XIRP2: variants seen among roughly 807,000 people sequenced by gnomAD.
The protein encoded by XIRP2 is xin actin-binding repeat-containing protein 2.
Under a neutral mutation model 277.0 loss-of-function variants are expected in XIRP2, and 236 were observed. The ratio of observed to expected loss-of-function variants is 0.85; its 90% CI spans 0.77 to 0.95. The LOEUF (loss-of-function observed/expected upper bound fraction) is 0.95, where lower values mean the gene tolerates loss of function less well. Among genes scored for constraint, XIRP2 ranks in the 40% least tolerant of loss-of-function variants. XIRP2 has a pLI of 0.00. For synonymous variants in XIRP2, 1,490 were observed against 1,416.5 expected (o/e 1.05, Z -1.17); for missense variants, 4,640 against 4,157.5 (o/e 1.12, Z -3.19).
chr2:167,158,006 C>G (rs1692250589), intron 3 of XIRP2, among the ~76,000 whole-genome samples: 1 of 152,134 alleles, frequency 6.6e-6, no homozygotes, highest in South Asian at 2.1e-4. Context: ...TATTTATCCA[C>G]TTTAAAAGTG....
chr2:167,179,642 ATTTT>A (rs58591089), intron 3 of XIRP2, among the ~76,000 whole-genome samples: 14,700 of 136,406 alleles, frequency 0.11, 768 homozygotes, highest in South Asian at 0.17. Flanking sequence ...TTATCTGATA[ATTTT>A]TTTTTTTTTT....
chr2:167,175,453 A>T (rs74888540), intron 3 of XIRP2, among the ~76,000 whole-genome samples: 4,875 of 152,176 alleles, frequency 0.032, 255 homozygotes, highest in African/African-American at 0.11. Context: ...TTGCCTAGGT[A>T]TCACCAGTGG....
chr2:167,181,949 C>A (rs562458574), intron 3 of XIRP2, among the ~76,000 whole-genome samples: 1 of 152,044 alleles, frequency 6.6e-6, no homozygotes, highest in Non-Finnish European at 1.5e-5. Flanking sequence ...ATTAATGGTG[C>A]TTTCTTCACT....
chr2:167,154,973 C>T (rs200092080), intron 3 of XIRP2, among the ~76,000 whole-genome samples: 14,369 of 150,400 alleles, frequency 0.096, 727 homozygotes, highest in South Asian at 0.14. Context: ...AACACCTCTA[C>T]GCAAATAAAC....
intron 2 of XIRP2, among the ~76,000 whole-genome samples, chr2:167,087,357 A>G (rs910856674): frequency 9.2e-5 from 14 of 151,698 alleles, no homozygotes; most frequent in African/African-American, 3.4e-4. Context: ...GCTGTCAGAC[A>G]GGGACATTTA....
At chr2:167,021,874 T>G (rs925198269) in intron 2 of XIRP2, among the ~76,000 whole-genome samples, 3 of 152,080 alleles carry the variant, frequency 2.0e-5, no homozygotes. Context: ...ATTTGATTAC[T>G]TCTTATATGA....
At chr2:167,126,584 A>G (rs1691213748) in intron 2 of XIRP2, among the ~76,000 whole-genome samples, 1 of 152,184 alleles carries the variant, frequency 6.6e-6, no homozygotes, top group African/African-American at 2.4e-5. Flanking sequence ...GAGGTAGCCA[A>G]AGTAACTTCT....
intron 2 of XIRP2, among the ~76,000 whole-genome samples, chr2:167,134,851 C>G (rs1333431443): frequency 3.9e-5 from 6 of 152,146 alleles, no homozygotes; most frequent in Non-Finnish European, 8.8e-5. Context: ...ATAACCAAGA[C>G]AGCTTCTAAG....
rs142768804 is a variant in XIRP2, at chr2:167,112,637, A to G, written c.409-23272A>G. 7.0e-4 allele frequency among the ~76,000 whole-genome samples: 105 copies of G among 149,402 alleles called. 1 individual carries two copies. In the East Asian group the frequency reaches 0.018, roughly 25 times the overall value. On this transcript the variant is annotated intron_variant, in intron 2 of 10. Coordinates refer to ENST00000409195, the MANE Select transcript of XIRP2 (RefSeq NM_152381.6). Reference sequence around the variant, plus strand: ...TCTCTCTATATATTTTTATGTATATATATAGAGAGAGATTTTTTATATATG... The same window carrying G: ...TCTCTCTATATATTTTTATGTATATGTATAGAGAGAGATTTTTTATATATG...
intron 3 of XIRP2, among the ~76,000 whole-genome samples, chr2:167,156,723 A>G (rs1203853955): frequency 6.6e-6 from 1 of 152,214 alleles, no homozygotes. Context: ...TATCAAATAC[A>G]GTTTGCCATA....
intron 2 of XIRP2, among the ~76,000 whole-genome samples, chr2:167,069,191 G>C (rs1390107229): frequency 6.6e-6 from 1 of 152,120 alleles, no homozygotes; most frequent in South Asian, 2.1e-4. Context: ...CATTTGCATG[G>C]ATTCAGTGTA....
At chr2:167,204,900 A>T (rs1356803483) in intron 3 of XIRP2, among the ~76,000 whole-genome samples, 1 of 152,176 alleles carries the variant, frequency 6.6e-6, no homozygotes. Flanking sequence ...CATAATTTTT[A>T]AAAATATTTA....
chr2:167,077,201 A>T (rs527729986), intron 2 of XIRP2, among the ~76,000 whole-genome samples: 3 of 152,214 alleles, frequency 2.0e-5, no homozygotes, highest in African/African-American at 7.2e-5. Context: ...GGAGAAAAAG[A>T]TTATTATTCA....
intron 5 of XIRP2, among the ~76,000 whole-genome samples, chr2:167,233,175 A>G (rs1340994047): frequency 1.3e-5 from 2 of 151,992 alleles, no homozygotes; most frequent in Non-Finnish European, 2.9e-5. Flanking sequence ...AATGCATTCT[A>G]TGCAAAGGGA....
At chr2:166,975,940 A>G (rs1431084719) in intron 2 of XIRP2, among the ~76,000 whole-genome samples, 3 of 133,274 alleles carry the variant, frequency 2.3e-5, no homozygotes, top group Non-Finnish European at 5.0e-5. Context: ...CAAAAAAAAA[A>G]AAAAAAAAAA....
At chr2:167,065,040 G>T (rs1470360006) in intron 2 of XIRP2, among the ~76,000 whole-genome samples, 1 of 151,844 alleles carries the variant, frequency 6.6e-6, no homozygotes, top group East Asian at 1.9e-4. Flanking sequence ...GCTGAATCAT[G>T]TGGTAATTCT....
intron 2 of XIRP2, among the ~76,000 whole-genome samples, chr2:167,061,359 G>C (rs1689169966): frequency 6.6e-6 from 1 of 151,814 alleles, no homozygotes; most frequent in African/African-American, 2.4e-5. Context: ...TTGCCTTATT[G>C]CTTTCATTTA....
intron 2 of XIRP2, among the ~76,000 whole-genome samples, chr2:167,102,032 A>G (rs1010772684): frequency 6.6e-6 from 1 of 152,226 alleles, no homozygotes; most frequent in Non-Finnish European, 1.5e-5. Flanking sequence ...ATGAGAACTC[A>G]TTTGAGCAAG....
At chr2:166,974,498 CACATATAT>C (rs1686660601) in intron 2 of XIRP2, among the ~76,000 whole-genome samples, 2 of 151,758 alleles carry the variant, frequency 1.3e-5, no homozygotes. Context: ...TATACACATA[CACATATAT>C]ACATATATAT....
Sources: gnomAD v4.1 joint callset for allele counts (sites outside exome capture counted in the v4.1 genomes callset) on GRCh38, gnomAD v4.1.1 for gene constraint, MANE v1.5 for transcripts, NCBI Gene and HGNC (gene_info 2026-07-23, HGNC 2026-07-21) for gene names.